RAD51B: variants seen among roughly 807,000 people sequenced by gnomAD.
The protein encoded by RAD51B is DNA repair protein RAD51 homolog 2.
Under a neutral mutation model 42.2 loss-of-function variants are expected in RAD51B, and 38 were observed. The ratio of observed to expected loss-of-function variants is 0.90; its 90% confidence interval spans 0.70 to 1.18. RAD51B has a LOEUF of 1.18. Ranked by LOEUF, RAD51B falls within the 50% of genes most tolerant of loss-of-function variation. RAD51B has a pLI of 0.00. For synonymous variants in RAD51B, 154 were observed against 145.2 expected, an observed-to-expected ratio of 1.06 and a Z score of -0.43; for missense variants, 373 against 400.7, an observed-to-expected ratio of 0.93 and a Z score of 0.59.
At chr14:68,188,320 C>T (rs2079197026) in intron 7 of RAD51B, among the ~76,000 whole-genome samples, 2 of 150,102 alleles carry the variant, frequency 1.3e-5, no homozygotes, top group South Asian at 4.3e-4. Flanking sequence ...CCTCCTCCTC[C>T]CTCCATTACC....
At chr14:68,415,423 C>G (rs566970341) in intron 9 of RAD51B, among the ~76,000 whole-genome samples, 2 of 152,330 alleles carry the variant, frequency 1.3e-5, no homozygotes, top group East Asian at 3.9e-4. Flanking sequence ...TATTTAATCA[C>G]CTCTTCTCTG....
chr14:68,282,442 T>C (rs730892), intron 7 of RAD51B, among the ~76,000 whole-genome samples: 88 of 152,338 alleles, frequency 5.8e-4, no homozygotes, highest in Middle Eastern at 3.4e-3. Flanking sequence ...TGTTCTGGAC[T>C]TGTTCTTCTT....
At chr14:67,897,262 A>C (rs986667663) in intron 7 of RAD51B, among the ~76,000 whole-genome samples, 1 of 152,224 alleles carries the variant, frequency 6.6e-6, no homozygotes, top group Non-Finnish European at 1.5e-5. Flanking sequence ...TGCCAAACTT[A>C]AAAGCTTCTG....
chr14:68,405,759 A>C (rs1033117788), intron 8 of RAD51B, among the ~76,000 whole-genome samples: 1 of 151,288 alleles, frequency 6.6e-6, no homozygotes, highest in African/African-American at 2.4e-5. Context: ...TCCTGGCCCA[A>C]ATGTGGCTCC....
downstream of RAD51B, among the ~76,000 whole-genome samples, chr14:68,613,140 G>A (rs923775141): frequency 6.6e-6 from 1 of 152,198 alleles, no homozygotes; most frequent in East Asian, 1.9e-4. Context: ...TGGAGGCCAG[G>A]CGTGGTGGCT....
At chr14:67,984,924 C>G (rs1171689594) in intron 7 of RAD51B, among the ~76,000 whole-genome samples, 1 of 152,082 alleles carries the variant, frequency 6.6e-6, no homozygotes, top group Non-Finnish European at 1.5e-5. Flanking sequence ...AATTAAAATA[C>G]ATATGTTGAG....
At chr14:68,279,040 G>C (rs918155748) in intron 7 of RAD51B, among the ~76,000 whole-genome samples, 1 of 151,648 alleles carries the variant, frequency 6.6e-6, no homozygotes, top group Non-Finnish European at 1.5e-5. Flanking sequence ...TTATTCCTCT[G>C]CTGGTTACTG....
chr14:68,245,014 A>G (rs980169724), intron 7 of RAD51B, among the ~76,000 whole-genome samples: 3 of 152,214 alleles, frequency 2.0e-5, no homozygotes, highest in Non-Finnish European at 4.4e-5. Flanking sequence ...GAATGCCGTA[A>G]CACTAACTAG....
At chr14:68,438,411 T>C (rs1594838223) in intron 9 of RAD51B, among the ~76,000 whole-genome samples, 1 of 151,924 alleles carries the variant, frequency 6.6e-6, no homozygotes. Flanking sequence ...AACAGGCTGG[T>C]AAAGGAGAAA....
intron 10 of RAD51B, among the ~76,000 whole-genome samples, chr14:68,547,033 A>T (rs1313119494): frequency 6.6e-6 from 1 of 152,150 alleles, no homozygotes; most frequent in African/African-American, 2.4e-5. Context: ...CAGCTTGGAA[A>T]CATTTTTTTT....
chr14:68,244,096 T>C (rs947397555), intron 7 of RAD51B, among the ~76,000 whole-genome samples: 2 of 152,224 alleles, frequency 1.3e-5, no homozygotes, highest in African/African-American at 4.8e-5. Context: ...TGGTGGGCTC[T>C]ATGCTGTCAT....
At chr14:68,262,291 T>C (rs1427101902) in intron 7 of RAD51B, among the ~76,000 whole-genome samples, 1 of 152,084 alleles carries the variant, frequency 6.6e-6, no homozygotes, top group Non-Finnish European at 1.5e-5. Context: ...GGCAGTATCA[T>C]TAAATGGCTG....
chr14:68,330,917 C>T, intron 8 of RAD51B, among the ~76,000 whole-genome samples: 1 of 152,040 alleles, frequency 6.6e-6, no homozygotes, highest in East Asian at 1.9e-4. Context: ...TTAATGTCAG[C>T]TCTAGTATGT....
intron 7 of RAD51B, among the ~76,000 whole-genome samples, chr14:68,223,892 G>A (rs1023217629): frequency 6.6e-6 from 1 of 152,138 alleles, no homozygotes; most frequent in Non-Finnish European, 1.5e-5. Flanking sequence ...CAGCAGGGAG[G>A]GAGGCTTAAC....
intron 11 of RAD51B, among the ~76,000 whole-genome samples, chr14:68,653,753 A>G (rs1405851296): frequency 6.6e-6 from 1 of 152,262 alleles, no homozygotes; most frequent in Non-Finnish European, 1.5e-5. Context: ...GGAGACACGA[A>G]CACAGGCCCA....
intron 11 of RAD51B, among the ~76,000 whole-genome samples, chr14:68,663,510 C>T (rs1014303098): frequency 2.5e-4 from 38 of 152,194 alleles, no homozygotes; most frequent in Admixed American, 6.5e-4. Context: ...AGGCTCCCCC[C>T]GCTGCTAGCC....
At chr14:67,934,329 A>G (rs1204535373) in intron 7 of RAD51B, among the ~76,000 whole-genome samples, 1 of 152,224 alleles carries the variant, frequency 6.6e-6, no homozygotes, top group African/African-American at 2.4e-5. Context: ...AAAGATAAAA[A>G]GAGAGGAAAG....
chr14:67,853,958 T>G (rs1261399576), intron 4 of RAD51B, among the ~76,000 whole-genome samples: 4 of 152,314 alleles, frequency 2.6e-5, no homozygotes, highest in Admixed American at 2.6e-4. Flanking sequence ...GCGGACCTGC[T>G]GAAGGAAGTG....
intron 7 of RAD51B, among the ~76,000 whole-genome samples, chr14:68,240,366 C>G (rs752515532): frequency 2.6e-5 from 4 of 152,308 alleles, no homozygotes; most frequent in Non-Finnish European, 5.9e-5. Context: ...TGGGGATTGT[C>G]TGTTCAGGAA....
Sources: allele counts gnomAD v4.1 joint callset (sites outside exome capture counted in the v4.1 genomes callset), GRCh38; gene constraint gnomAD v4.1.1; transcripts MANE v1.5; gene names NCBI Gene and HGNC (gene_info 2026-07-23, HGNC 2026-07-21).